The following GCNT1 variants were observed in gnomAD, a reference collection of about 807,000 sequenced individuals.
GCNT1 encodes glucosaminyl (N-acetyl) transferase 1.
A neutral mutation model predicts 26.2 loss-of-function variants in GCNT1; 16 were observed. The ratio of observed to expected loss-of-function variants is 0.61; its 90% CI spans 0.41 to 0.93. The LOEUF (loss-of-function observed/expected upper bound fraction) is 0.93, where lower values mean the gene tolerates loss of function less well. GCNT1 is among the 40% of genes least tolerant of loss of function. The pLI is 0.00. For missense variants in GCNT1, 477 were observed against 526.7 expected (o/e 0.91, Z 0.92); for synonymous variants, 183 against 190.8 (o/e 0.96, Z 0.34).
chr9:76,413,676 T>TG, the GCNT1 span, among the ~76,000 whole-genome samples: 8 of 150,212 alleles, frequency 5.3e-5, no homozygotes, highest in Admixed American at 1.3e-4. Flanking sequence ...TTGTTTTTTT[T>TG]TTTTTTTTGG....
upstream of GCNT1, among the ~76,000 whole-genome samples, chr9:76,440,822 T>C (rs956788359): frequency 6.6e-6 from 1 of 151,892 alleles, no homozygotes; most frequent in Non-Finnish European, 1.5e-5. Flanking sequence ...TCCCAGCACT[T>C]TGGGAGGTTG....
In GCNT1 at chr9:76,503,476, G is replaced by A. The variant is rs769477778; in HGVS notation, c.1095G>A (p.Lys365=). The A allele has an allele frequency of 1.5e-5, 25 of 1,614,034 alleles. No homozygotes were observed. In the African/African-American group the frequency reaches 3.1e-4, roughly 20 times the overall value. The change falls in exon 4 of 4, where the codon AAG becomes AAA. Residue 365 remains lysine (K), a synonymous_variant. Coordinates refer to ENST00000376730, the MANE Select transcript of GCNT1 (RefSeq NM_001490.5). The stretch of plus-strand genomic sequence containing the variant: ...AGTACTTTGAGGGTGATGTTTCCAA[G>A]GGTGCTCCCTACCCGCCCTGCGATG... ...KWQYFEGDVS[K]GAPYPPCDGV...
At chr9:76,456,511 A>C (rs1823759706), upstream of GCNT1, among the ~76,000 whole-genome samples, 1 of 152,118 alleles carries the variant, frequency 6.6e-6, no homozygotes, top group Non-Finnish European at 1.5e-5. Flanking sequence ...TCTCTCTGTT[A>C]CTACAATGTT....
Position 76,430,269 on chromosome 9 carries a change from T to TA in GCNT1, n.38+10385dup, listed in dbSNP as rs567357526. On this transcript the variant is annotated intron_variant and non_coding_transcript_variant, in intron 1 of 3. Coordinates refer to the GCNT1 transcript ENST00000488136. The stretch of plus-strand genomic sequence containing the variant: ...ACAACACTTGGTATTACATGACTTT[T>TA]AAATTTTTTGCCAATCCGAGAAGGA... 4.6e-5 allele frequency among the ~76,000 whole-genome samples: 7 copies of TA among 152,352 alleles called. No individual in the cohort carries two copies. In the South Asian group the frequency reaches 1.4e-3, roughly 32 times the overall value.
chr9:76,471,641 A>G (rs1378548400), intron 2 of GCNT1, among the ~76,000 whole-genome samples: 4 of 152,032 alleles, frequency 2.6e-5, no homozygotes, highest in Non-Finnish European at 4.4e-5. Context: ...AAAAACATGT[A>G]TAAGTGGAAA....
chr9:76,478,935 G>A (rs1824337004), intron 2 of GCNT1, among the ~76,000 whole-genome samples: 1 of 152,156 alleles, frequency 6.6e-6, no homozygotes. Context: ...GTATACATGT[G>A]CCATGTTGGT....
chr9:76,397,661 C>G, the GCNT1 span, among the ~76,000 whole-genome samples: 8 of 152,114 alleles, frequency 5.3e-5, no homozygotes. Flanking sequence ...CCAGGCTGTT[C>G]TGGAACTCCT....
chr9:76,490,220 G>A (rs576975315), intron 2 of GCNT1, among the ~76,000 whole-genome samples: 8 of 152,306 alleles, frequency 5.3e-5, no homozygotes, highest in African/African-American at 1.7e-4. Flanking sequence ...CCCTAAGAAG[G>A]TGCAAAGTCC....
chr9:76,459,775 C>A (rs1175615897), intron 1 of GCNT1, among the ~76,000 whole-genome samples: 1 of 152,152 alleles, frequency 6.6e-6, no homozygotes, highest in Non-Finnish European at 1.5e-5. Flanking sequence ...ATAAATGACT[C>A]ACCCTGGAGC....
intron 2 of GCNT1, among the ~76,000 whole-genome samples, chr9:76,486,937 AAAC>A (rs1824596113): frequency 6.6e-6 from 1 of 151,970 alleles, no homozygotes; most frequent in African/African-American, 2.4e-5. Flanking sequence ...ACAAACAAAC[AAAC>A]AAAACTAGAT....
chr9:76,455,484 C>T (rs1345518294), upstream of GCNT1, among the ~76,000 whole-genome samples: 2 of 152,080 alleles, frequency 1.3e-5, no homozygotes, highest in Admixed American at 1.3e-4. Flanking sequence ...AAAGGTGGTT[C>T]TATGTAGTTA....
Position 76,463,006 on chromosome 9 carries a change from G to C in GCNT1, c.-290+2829G>C, listed in dbSNP as rs1823907449. On this transcript the variant is annotated intron_variant, in intron 2 of 3. Coordinates refer to ENST00000376730, the MANE Select transcript of GCNT1 (RefSeq NM_001490.5). Reference sequence around the variant, plus strand: ...TTTTAGCTAACAGCAATAAAACGAAGACTGCTGTGTATTTCTGTAATCTGA... The same window carrying C: ...TTTTAGCTAACAGCAATAAAACGAACACTGCTGTGTATTTCTGTAATCTGA... 1.3e-5 allele frequency among the ~76,000 whole-genome samples: 2 copies of C among 152,172 alleles called. 1 individual carries two copies. Among genetic ancestry groups the C allele is most frequent in the South Asian group, 4.1e-4 (2 of 4,828 alleles).
chr9:76,453,361 A>C (rs941877675), intron 1 of GCNT1, among the ~76,000 whole-genome samples: 14 of 152,226 alleles, frequency 9.2e-5, no homozygotes, highest in African/African-American at 2.2e-4. Context: ...AGTGGTAAAA[A>C]GGAGGGATGA....
chr9:76,421,360 G>A (rs1212153923), intron 1 of GCNT1, among the ~76,000 whole-genome samples: 3 of 151,978 alleles, frequency 2.0e-5, no homozygotes, highest in South Asian at 2.1e-4. Flanking sequence ...AGCATTTTCG[G>A]AGGCCAAGTC....
chr9:76,483,173 A>G (rs1264916284), intron 2 of GCNT1, among the ~76,000 whole-genome samples: 1 of 152,114 alleles, frequency 6.6e-6, no homozygotes, highest in Admixed American at 6.5e-5. Flanking sequence ...AAGTTTTAAA[A>G]TGTAAATAAT....
chr9:76,502,369 A>G lies in GCNT1; in HGVS notation c.-13A>G. On this transcript the variant is annotated 5_prime_UTR_variant, in exon 4 of 4. Coordinates refer to ENST00000376730, the MANE Select transcript of GCNT1 (RefSeq NM_001490.5). The stretch of plus-strand genomic sequence containing the variant: ...CTGCCCTTCACAAAGGAAATCCCTG[A>G]TTATTGTTTGAAATGCTGAGGACGT... 1 of 1,590,088 alleles carries G rather than the reference A, an allele frequency of 6.3e-7. No individual in the cohort carries two copies.
At chr9:76,440,172 C>G (rs1823466192), upstream of GCNT1, among the ~76,000 whole-genome samples, 1 of 151,890 alleles carries the variant, frequency 6.6e-6, no homozygotes, top group Non-Finnish European at 1.5e-5. Context: ...TCCCAAATCT[C>G]TCTTCTTGGC....
chr9:76,428,135 G>C (rs186002319), intron 1 of GCNT1, among the ~76,000 whole-genome samples: 1 of 151,114 alleles, frequency 6.6e-6, no homozygotes, highest in Non-Finnish European at 1.5e-5. Context: ...GCGTGGTGGC[G>C]GGCGCCTGTA....
chr9:76,423,572 T>A (rs1823225915), intron 1 of GCNT1, among the ~76,000 whole-genome samples: 1 of 152,244 alleles, frequency 6.6e-6, no homozygotes, highest in Non-Finnish European at 1.5e-5. Flanking sequence ...AGGTCAGTCA[T>A]CACAGTTACC....
Sources: gnomAD v4.1 joint callset for allele counts (sites outside exome capture counted in the v4.1 genomes callset) on GRCh38, gnomAD v4.1.1 for gene constraint, MANE v1.5 for transcripts, NCBI Gene and HGNC (gene_info 2026-07-23, HGNC 2026-07-21) for gene names.